The following SIDT1 variants were observed in gnomAD, a reference collection of about 807,000 sequenced individuals.
SIDT1 encodes the protein SID1 transmembrane family, member 1.
SIDT1 carries 101 observed loss-of-function variants against 107.5 expected under a neutral mutation model. The observed-to-expected ratio is 0.94, with a 90% CI of 0.80 to 1.11. The LOEUF (loss-of-function observed/expected upper bound fraction) is 1.11. SIDT1 is among the 50% of genes least tolerant of loss of function. The pLI, the probability that SIDT1 is intolerant of heterozygous loss-of-function variation, is 0.00. For missense variants in SIDT1, 1,076 were observed against 1,058.2 expected (o/e 1.02, Z -0.23); for synonymous variants, 395 against 398.2 (o/e 0.99, Z 0.10).
At chr3:113,608,294 TA>T in intron 16 of SIDT1, 77 bp downstream of exon 16, 2 of 1,549,182 alleles carry the variant, frequency 1.3e-6, no homozygotes, top group Non-Finnish European at 1.8e-6. Context: ...ACATCTGGCT[TA>T]ATGGTGTGAT....
downstream of SIDT1, among the ~76,000 whole-genome samples, chr3:113,634,225 G>T (rs977190517): frequency 3.3e-5 from 5 of 152,202 alleles, no homozygotes; most frequent in Non-Finnish European, 7.4e-5. Flanking sequence ...ACCTCACTCT[G>T]CTAGAGGACA....
At chr3:113,574,548 C>T (rs1339783768) in intron 3 of SIDT1, among the ~76,000 whole-genome samples, 1 of 152,030 alleles carries the variant, frequency 6.6e-6, no homozygotes, top group African/African-American at 2.4e-5. Context: ...TTTGTCCTGC[C>T]TCTCTTTCTA....
chr3:113,541,147 C>T (rs1347360984), intron 1 of SIDT1, among the ~76,000 whole-genome samples: 1 of 107,710 alleles, frequency 9.3e-6, no homozygotes, highest in African/African-American at 6.0e-5. Context: ...CACACATACA[C>T]ACACACACAC....
At position 113,566,440 on chromosome 3, in the gene SIDT1, T is replaced by A; in HGVS notation, c.243T>A (p.Tyr81Ter). Reference protein sequence around the residue: ...QPDQVTAVRVYVNSSSENLNY... With the variant: ...QPDQVTAVRV ...TGCAGGTGACAGCCGTGAGGGTGTA[T>A]GTGAACAGTTCCTCTGAGAATCTCA... Residue 81 changes from tyrosine to a stop codon, truncating the protein, a stop_gained, in exon 2 of 25, where the codon TAT (tyrosine) becomes TAA (stop). Transcript: ENST00000264852. LOFTEE classifies it high-confidence loss of function. 1.2e-6 allele frequency: 2 copies of A among 1,614,140 alleles called. No homozygotes were observed. Among genetic ancestry groups the A allele is most frequent in the Non-Finnish European group, 1.7e-6 (2 of 1,180,006 alleles).
At chr3:113,578,558 G>C (rs1178074666) in intron 4 of SIDT1, among the ~76,000 whole-genome samples, 1 of 151,510 alleles carries the variant, frequency 6.6e-6, no homozygotes, top group Admixed American at 6.6e-5. Context: ...TAATAAATAT[G>C]ATATACTGAT....
chr3:113,580,122 G>A (rs893309943), intron 4 of SIDT1, among the ~76,000 whole-genome samples: 1 of 152,200 alleles, frequency 6.6e-6, no homozygotes, highest in East Asian at 1.9e-4. Flanking sequence ...GGGCAAGGGG[G>A]AGGATGAGTC....
rs138521827 is a variant in SIDT1 at position 113,577,387 on chromosome 3, A to G, written c.561+420A>G. Reference sequence around the variant, plus strand: ...AGTAAAAGGCTGACACCAAACAGATACACAAATAATTAATTGACCTGGAAA... The same window carrying G: ...AGTAAAAGGCTGACACCAAACAGATGCACAAATAATTAATTGACCTGGAAA... On this transcript the variant is annotated intron_variant, in intron 4 of 24. Transcript: ENST00000264852. Among the ~76,000 whole-genome samples, 1,161 of 152,372 alleles carry G rather than the reference A, an allele frequency of 7.6e-3. 5 individuals are homozygous for G. The highest frequency in any genetic ancestry group is 0.013 in the Non-Finnish European group (878 of 68,046).
chr3:113,558,566 T>C (rs969779635), intron 1 of SIDT1, among the ~76,000 whole-genome samples: 1 of 152,330 alleles, frequency 6.6e-6, no homozygotes. Flanking sequence ...TACTGCCTGT[T>C]ATGAAAGACT....
At chr3:113,540,293 T>C (rs1346898987) in intron 1 of SIDT1, among the ~76,000 whole-genome samples, 7 of 152,176 alleles carry the variant, frequency 4.6e-5, no homozygotes, top group African/African-American at 1.4e-4. Context: ...TCCACACCTC[T>C]CATTAGGTCC....
chr3:113,605,124 C>CAT, intron 14 of SIDT1, 148 bp downstream of exon 14: 1 of 342,908 alleles, frequency 2.9e-6, no homozygotes, highest in Non-Finnish European at 5.1e-6. Flanking sequence ...ATTGCTTCCT[C>CAT]TTTTTTTTTT....
At chr3:113,563,557 G>T (rs895080993) in intron 1 of SIDT1, among the ~76,000 whole-genome samples, 12 of 152,176 alleles carry the variant, frequency 7.9e-5, no homozygotes, top group Non-Finnish European at 1.8e-4. Context: ...ATGACACTGC[G>T]GGGTGCAATC....
intron 1 of SIDT1, among the ~76,000 whole-genome samples, chr3:113,554,334 T>C (rs1305487726): frequency 6.6e-6 from 1 of 152,196 alleles, no homozygotes; most frequent in Non-Finnish European, 1.5e-5. Context: ...TGAACCCCAT[T>C]TGATATGGTT....
chr3:113,627,928 G>T lies in SIDT1; in HGVS notation c.*220G>T, dbSNP rs1946960587. The T allele has an allele frequency of 1.2e-5, 7 of 566,496 alleles. No homozygotes were observed. Among genetic ancestry groups the T allele is most frequent in the Non-Finnish European group, 2.2e-5 (7 of 316,618 alleles). 35.1% of individuals were successfully genotyped at this position (566,496 alleles called of 1,614,324 possible). ...TTTTGAGGACAGACGCAAACCTGAG[G>T]AGCTGAGAAACACTTGCTCCTTCCA... On this transcript the variant is annotated 3_prime_UTR_variant, in exon 25 of 25. Transcript: ENST00000264852.
rs1942042041 is a variant in SIDT1 at position 113,567,608 on chromosome 3, C to T, written c.413C>T (p.Thr138Met). Residue 138 changes from threonine (T) to methionine (M), a missense_variant, in exon 3 of 25, where the codon ACG (threonine) becomes ATG (methionine). Physicochemically the swap from Thr to Met is moderately conservative, Grantham distance 81. Coordinates refer to ENST00000264852, the MANE Select transcript of SIDT1 (RefSeq NM_017699.3). ...TGTCCCTCAGAAGCAACCAATGAGACGGGACCCTTGCAGCAACTGATATTT... is the reference window on the plus strand; with the variant it reads ...TGTCCCTCAGAAGCAACCAATGAGATGGGACCCTTGCAGCAACTGATATTT... The part of the protein sequence containing the change: ...TLCPSEATNE[T>M]GPLQQLIFVD... 6 of 1,614,088 alleles carry T rather than the reference C, an allele frequency of 3.7e-6. No homozygotes were observed. Among genetic ancestry groups the T allele is most frequent in the Admixed American group, 1.7e-5 (1 of 60,020 alleles).
chr3:113,612,238 T>A (rs1945809706), intron 19 of SIDT1, 44 bp downstream of exon 19: 2 of 1,394,142 alleles, frequency 1.4e-6, no homozygotes, highest in East Asian at 4.6e-5. Flanking sequence ...GAATCAACTT[T>A]AATGAAAAAG....
chr3:113,596,880 A>T (rs1944594532), intron 10 of SIDT1, among the ~76,000 whole-genome samples: 1 of 152,190 alleles, frequency 6.6e-6, no homozygotes, highest in Admixed American at 6.5e-5. Flanking sequence ...TAGATTTAAG[A>T]ACCAAATGGC....
intron 24 of SIDT1, among the ~76,000 whole-genome samples, chr3:113,626,718 A>G (rs2895415): frequency 0.32 from 48,439 of 151,814 alleles, 7,860 homozygotes; most frequent in Non-Finnish European, 0.35. Flanking sequence ...TAGTTTCTCT[A>G]TTTTTTTGCC....
Position 113,604,907 on chromosome 3 carries a change from T to C in SIDT1, c.1338-3T>C, listed in dbSNP as rs567034842. ...GCATTTCTGGTTCTTTCTGCCTGCA[T>C]AGGAACATCATCACCATTGCTGTGT... On this transcript the variant is annotated splice_region_variant and splice_polypyrimidine_tract_variant and intron_variant, in intron 13 of 24. Coordinates refer to ENST00000264852, the MANE Select transcript of SIDT1 (RefSeq NM_017699.3). The C allele has an allele frequency of 2.9e-5, 47 of 1,614,120 alleles. No homozygotes were observed. In the East Asian group the frequency reaches 3.8e-4, roughly 13 times the overall value.
At chr3:113,600,692 G>A (rs917503819) in intron 10 of SIDT1, among the ~76,000 whole-genome samples, 5 of 152,172 alleles carry the variant, frequency 3.3e-5, no homozygotes, top group Non-Finnish European at 7.4e-5. Context: ...TCTTCACATG[G>A]CACTGTTACT....
Sources: allele counts gnomAD v4.1 joint callset (sites outside exome capture counted in the v4.1 genomes callset), GRCh38; gene constraint gnomAD v4.1.1; transcripts MANE v1.5; gene names NCBI Gene and HGNC (gene_info 2026-07-23, HGNC 2026-07-21).